Variants in CD9 observed in about 807,000 individuals in gnomAD.
The protein encoded by CD9 is CD9 molecule.
Under a neutral mutation model 31.4 loss-of-function variants are expected in CD9, and 10 were observed. The ratio of observed to expected loss-of-function variants is 0.32; its 90% CI spans 0.20 to 0.54. The LOEUF (loss-of-function observed/expected upper bound fraction) is 0.54, where lower values mean the gene tolerates loss of function less well. Ranked by LOEUF, CD9 falls within the 20% of genes least tolerant of loss-of-function variation. The pLI is 0.94. For synonymous variants in CD9, 113 were observed against 114.1 expected (o/e 0.99, Z 0.06); for missense variants, 259 against 300.1 (o/e 0.86, Z 1.01).
At chr12:6,225,157 C>G (rs1946346285) in intron 1 of CD9, 1 of 418,768 alleles carries the variant, frequency 2.4e-6, no homozygotes, top group Non-Finnish European at 4.3e-6. Context: ...TACTCGTTTT[C>G]ACTGCTGTAT....
chr12:6,209,477 C>G (rs1591963869), intron 1 of CD9, among the ~76,000 whole-genome samples: 1 of 152,162 alleles, frequency 6.6e-6, no homozygotes, highest in African/African-American at 2.4e-5. Context: ...TCCTCCTGCT[C>G]TCCATGGTGC....
At chr12:6,204,299 A>G (rs4764542) in intron 1 of CD9, among the ~76,000 whole-genome samples, 62,370 of 152,082 alleles carry the variant, frequency 0.41, 13,289 homozygotes, top group Admixed American at 0.53. Flanking sequence ...GGTACGATGT[A>G]TACTATGTTG....
chr12:6,208,041 A>G (rs899486876), intron 1 of CD9, among the ~76,000 whole-genome samples: 7 of 152,242 alleles, frequency 4.6e-5, no homozygotes, highest in South Asian at 2.1e-4. Context: ...CCTGGCCAAC[A>G]TGGAAAAACC....
chr12:6,227,933 A>G (rs896847826), intron 2 of CD9, among the ~76,000 whole-genome samples: 2 of 152,212 alleles, frequency 1.3e-5, no homozygotes, highest in African/African-American at 4.8e-5. Flanking sequence ...GGTGAGTGCC[A>G]TTAGAGGAGC....
At chr12:6,202,380 G>A (rs1018764495) in intron 1 of CD9, among the ~76,000 whole-genome samples, 1 of 152,222 alleles carries the variant, frequency 6.6e-6, no homozygotes, top group Non-Finnish European at 1.5e-5. Context: ...CCTGGCAGCA[G>A]AAAAGTATGC....
intron 1 of CD9, among the ~76,000 whole-genome samples, chr12:6,215,839 C>T (rs780167201): frequency 6.6e-5 from 10 of 152,234 alleles, no homozygotes; most frequent in Non-Finnish European, 1.0e-4. Context: ...AGTTGGGACG[C>T]TTAAGGAGAG....
At chr12:6,234,933 G>C (rs542392308) in intron 4 of CD9, among the ~76,000 whole-genome samples, 1 of 152,204 alleles carries the variant, frequency 6.6e-6, no homozygotes, top group Admixed American at 6.5e-5. Context: ...AGATCATAGA[G>C]ATTCAATTTA....
chr12:6,219,297 C>T lies in CD9; in HGVS notation c.67-6129C>T, dbSNP rs576552358. Among the ~76,000 whole-genome samples the T allele has an allele frequency of 3.3e-5, 5 of 152,198 alleles. No homozygotes were observed. In the South Asian group the frequency reaches 1.0e-3, roughly 32 times the overall value. On this transcript the variant is annotated intron_variant, in intron 1 of 7. Coordinates refer to ENST00000009180, the MANE Select transcript of CD9 (RefSeq NM_001769.4). ...CTGGGATTACAGGCATGAGCCACCG[C>T]ACCCGGCCTGCATGGGCTTTTTGTA...
intron 1 of CD9, among the ~76,000 whole-genome samples, chr12:6,212,493 A>G (rs905534516): frequency 2.0e-5 from 3 of 152,236 alleles, no homozygotes; most frequent in African/African-American, 7.2e-5. Flanking sequence ...CGAGCCAGGC[A>G]TAGCAAGGTG....
intron 1 of CD9, among the ~76,000 whole-genome samples, chr12:6,201,831 G>A (rs1005848725): frequency 6.6e-6 from 1 of 152,130 alleles, no homozygotes; most frequent in Non-Finnish European, 1.5e-5. Context: ...TTTCATCCAG[G>A]TTCAAGACCA....
intron 2 of CD9, among the ~76,000 whole-genome samples, chr12:6,231,862 T>C (rs2136634985): frequency 1.3e-5 from 2 of 152,262 alleles, no homozygotes; most frequent in Admixed American, 1.3e-4. Flanking sequence ...CTTTTGAAAT[T>C]TCCAGGAACA....
chr12:6,237,638 T>C (rs1192788430), intron 7 of CD9, 125 bp from the exon 8 acceptor site: 2 of 640,438 alleles, frequency 3.1e-6, no homozygotes, highest in Non-Finnish European at 5.6e-6. Flanking sequence ...TCTGACTCGT[T>C]TGGCCTCCTG....
At chr12:6,235,974 C>A in intron 6 of CD9, 1 of 1,417,236 alleles carries the variant, frequency 7.1e-7, no homozygotes, top group Non-Finnish European at 9.2e-7. Context: ...TCCTCCTTCC[C>A]TGACGTCCTG....
chr12:6,236,108 G>T (rs11568290), intron 6 of CD9, 84 bp from the exon 7 acceptor site: 2 of 1,578,858 alleles, frequency 1.3e-6, no homozygotes, highest in South Asian at 1.2e-5. Flanking sequence ...CAGTTCTCCC[G>T]GGTGAGACGG....
intron 1 of CD9, among the ~76,000 whole-genome samples, chr12:6,221,845 AT>A (rs1946295803): frequency 6.6e-6 from 1 of 151,160 alleles, no homozygotes; most frequent in African/African-American, 2.4e-5. Context: ...GGTTTAAAAT[AT>A]TAGCCAGGAT....
At chr12:6,202,762 A>G (rs973815193) in intron 1 of CD9, among the ~76,000 whole-genome samples, 12 of 152,254 alleles carry the variant, frequency 7.9e-5, no homozygotes, top group African/African-American at 2.4e-4. Flanking sequence ...AATCACTCAC[A>G]CTGGAAATGT....
At chr12:6,202,956 A>G (rs1432048012) in intron 1 of CD9, among the ~76,000 whole-genome samples, 1 of 152,112 alleles carries the variant, frequency 6.6e-6, no homozygotes, top group African/African-American at 2.4e-5. Context: ...GGCAGTAGCT[A>G]TGTTTTCCTG....
chr12:6,215,236 C>T (rs967822346), intron 1 of CD9, among the ~76,000 whole-genome samples: 2 of 152,314 alleles, frequency 1.3e-5, no homozygotes, highest in South Asian at 4.1e-4. Flanking sequence ...GAAGCTCACA[C>T]CTCCCATCCA....
intron 4 of CD9, among the ~76,000 whole-genome samples, chr12:6,234,611 A>G (rs1276380324): frequency 6.6e-6 from 1 of 152,274 alleles, no homozygotes; most frequent in Non-Finnish European, 1.5e-5. Context: ...GTGAGCATCA[A>G]AGGGGCAGAC....
Sources: gnomAD v4.1 joint callset for allele counts (sites outside exome capture counted in the v4.1 genomes callset) on GRCh38, gnomAD v4.1.1 for gene constraint, MANE v1.5 for transcripts, NCBI Gene and HGNC (gene_info 2026-07-23, HGNC 2026-07-21) for gene names.